The following STIM1 variants were observed in gnomAD, a reference collection of about 807,000 sequenced individuals.
The protein encoded by STIM1 is stromal interaction molecule 1.
Under a neutral mutation model 74.7 loss-of-function variants are expected in STIM1, and 25 were observed. That is an observed-to-expected ratio of 0.33 (90% CI 0.24 to 0.47). The LOEUF is 0.47. Among genes scored for constraint, STIM1 ranks in the 20% least tolerant of loss-of-function variants. The pLI, the probability that STIM1 is intolerant of heterozygous loss-of-function variation, is 1.00. For synonymous variants in STIM1, 328 were observed against 348.8 expected (o/e 0.94, Z 0.66); for missense variants, 728 against 920.8 (o/e 0.79, Z 2.71).
In STIM1 at chr11:3,870,598, G is replaced by A. The variant is rs1354776674; in HGVS notation, c.139+14189G>A. On this transcript the variant is annotated intron_variant, in intron 1 of 12. Transcript: ENST00000526596. ...TGCAGCCTCCACCTCCCAGGCTCAG[G>A]CGATCCTCCCATCTCGGCCCAACAA... Among the ~76,000 whole-genome samples the A allele has an allele frequency of 3.9e-5, 6 of 152,152 alleles. No individual in the cohort carries two copies. The East Asian group carries it at 9.7e-4, about 25-fold the overall frequency.
chr11:3,900,012 C>G (rs1199842785), intron 1 of STIM1, among the ~76,000 whole-genome samples: 1 of 152,108 alleles, frequency 6.6e-6, no homozygotes, highest in African/African-American at 2.4e-5. Context: ...GCTTTGGTAT[C>G]AGGATGATGC....
intron 7 of STIM1, among the ~76,000 whole-genome samples, chr11:4,078,082 A>C (rs959798561): frequency 6.6e-6 from 1 of 152,078 alleles, no homozygotes; most frequent in Admixed American, 6.6e-5. Context: ...TTTTTATTAC[A>C]TGCTGGACAG....
chr11:3,884,581 G>A (rs894832449), intron 1 of STIM1, among the ~76,000 whole-genome samples: 3 of 152,118 alleles, frequency 2.0e-5, no homozygotes, highest in African/African-American at 7.2e-5. Flanking sequence ...GGAACTTGGG[G>A]CCTGTTCTGT....
chr11:3,862,363 G>A (rs1284185718), intron 1 of STIM1, among the ~76,000 whole-genome samples: 1 of 152,114 alleles, frequency 6.6e-6, no homozygotes, highest in Non-Finnish European at 1.5e-5. Flanking sequence ...GTGTACTATG[G>A]AGCTAACACC....
At chr11:4,041,026 A>G (rs2094143062) in intron 3 of STIM1, among the ~76,000 whole-genome samples, 1 of 152,230 alleles carries the variant, frequency 6.6e-6, no homozygotes, top group African/African-American at 2.4e-5. Flanking sequence ...GAAGGAAGCT[A>G]CTTAAAGAGA....
Position 4,059,798 on chromosome 11 carries a change from A to G in STIM1, c.613+402A>G, listed in dbSNP as rs568606554. 9.1e-4 allele frequency among the ~76,000 whole-genome samples: 138 copies of G among 152,268 alleles called. 1 individual carries two copies. Among genetic ancestry groups the G allele is most frequent in the South Asian group, 2.9e-3 (14 of 4,824 alleles). ...TTAAGGGTGGATAGAGCTTTATTCT[A>G]TGGAGGTGGCAGAATAGGACATTCT... On this transcript the variant is annotated intron_variant, in intron 5 of 12. Coordinates refer to ENST00000526596, the MANE Select transcript of STIM1 (RefSeq NM_001382567.1).
chr11:4,038,360 T>G (rs2094120792), intron 3 of STIM1, among the ~76,000 whole-genome samples: 1 of 152,014 alleles, frequency 6.6e-6, no homozygotes, highest in Non-Finnish European at 1.5e-5. Flanking sequence ...TTATAACATG[T>G]CACATGTAGT....
chr11:3,869,797 A>T (rs1348807332), intron 1 of STIM1, among the ~76,000 whole-genome samples: 1 of 152,206 alleles, frequency 6.6e-6, no homozygotes, highest in Non-Finnish European at 1.5e-5. Context: ...TAAAGGTGAG[A>T]TTGGAGGCAA....
At chr11:3,976,897 C>A (rs767742659) in intron 2 of STIM1, among the ~76,000 whole-genome samples, 11 of 152,008 alleles carry the variant, frequency 7.2e-5, no homozygotes, top group Non-Finnish European at 1.5e-4. Flanking sequence ...TGGGTTCAAG[C>A]GATTCTCCTG....
intron 1 of STIM1, among the ~76,000 whole-genome samples, chr11:3,944,357 T>C (rs933327389): frequency 1.3e-5 from 2 of 152,150 alleles, no homozygotes; most frequent in African/African-American, 2.4e-5. Flanking sequence ...GCAGCCAAGG[T>C]TTTGTGCCTG....
At chr11:4,062,832 A>C (rs2094340206) in intron 5 of STIM1, among the ~76,000 whole-genome samples, 1 of 152,146 alleles carries the variant, frequency 6.6e-6, no homozygotes, top group African/African-American at 2.4e-5. Context: ...TTGAAATTAG[A>C]ATAATAGCCA....
At chr11:4,027,308 T>C (rs1386674206) in intron 3 of STIM1, among the ~76,000 whole-genome samples, 2 of 152,058 alleles carry the variant, frequency 1.3e-5, no homozygotes, top group African/African-American at 2.4e-5. Flanking sequence ...GCCTTTTCTT[T>C]TTTTTCTTTT....
At chr11:3,912,163 C>T (rs2092573103) in intron 1 of STIM1, among the ~76,000 whole-genome samples, 1 of 107,750 alleles carries the variant, frequency 9.3e-6, no homozygotes, top group African/African-American at 3.6e-5. Context: ...TCCCTTCTCC[C>T]CTCCCCTCTC....
At chr11:3,965,679 A>T (rs1209160511) in intron 1 of STIM1, among the ~76,000 whole-genome samples, 1 of 152,198 alleles carries the variant, frequency 6.6e-6, no homozygotes, top group Admixed American at 6.5e-5. Flanking sequence ...TTCTTTTTGT[A>T]TGCATACTGT....
chr11:4,054,314 G>A (rs2094270090), intron 3 of STIM1, among the ~76,000 whole-genome samples: 1 of 152,130 alleles, frequency 6.6e-6, no homozygotes, highest in South Asian at 2.1e-4. Context: ...AGCTATCTTA[G>A]CATGGTAGTC....
chr11:3,986,494 G>A (rs1350581226), intron 2 of STIM1, among the ~76,000 whole-genome samples: 1 of 152,158 alleles, frequency 6.6e-6, no homozygotes, highest in Non-Finnish European at 1.5e-5. Flanking sequence ...GCCATACTGA[G>A]GAACTTGGAT....
rs78285130 is a variant in STIM1, at chr11:3,956,823, C to CAAAA, written c.140-10704_140-10701dup. Among the ~76,000 whole-genome samples the CAAAA allele has an allele frequency of 1.7e-3, 66 of 38,194 alleles. 4 individuals carry two copies. Among genetic ancestry groups the CAAAA allele is most frequent in the South Asian group, 8.7e-3 (5 of 578 alleles). The allele number at this position is 38,194 out of a possible 152,430, so 25.1% of individuals were successfully genotyped here. On this transcript the variant is annotated intron_variant, in intron 1 of 12. Transcript: ENST00000526596. ...GGGTGACAGAGCAAGACCCTGTCTC[C>CAAAA]AAAAAAAAAAAAAAAAAAAAAAAAA...
chr11:3,894,557 T>C (rs186445570), intron 1 of STIM1, among the ~76,000 whole-genome samples: 157 of 152,250 alleles, frequency 1.0e-3, no homozygotes, highest in African/African-American at 3.7e-3. Flanking sequence ...CCTTATTCCA[T>C]AGCCTACAGG....
chr11:4,009,074 G>A (rs1359252831), intron 2 of STIM1, among the ~76,000 whole-genome samples: 3 of 128,668 alleles, frequency 2.3e-5, no homozygotes, highest in East Asian at 2.6e-4. Flanking sequence ...GGCAGATCAC[G>A]AGGTCAGGAG....
Sources: allele counts gnomAD v4.1 joint callset (sites outside exome capture counted in the v4.1 genomes callset), GRCh38; gene constraint gnomAD v4.1.1; transcripts MANE v1.5; gene names NCBI Gene and HGNC (gene_info 2026-07-23, HGNC 2026-07-21).